Variants in AFF3 observed in about 807,000 individuals in gnomAD.
AFF3 encodes the protein AF4/FMR2 family member 3.
AFF3 carries 32 observed loss-of-function variants against 129.7 expected under a neutral mutation model. That is an observed-to-expected ratio of 0.25 (90% CI 0.19 to 0.33). The LOEUF is 0.33. AFF3 is among the 10% of genes least tolerant of loss of function. The pLI is 1.00. For missense variants in AFF3, 1,373 were observed against 1,592.0 expected (o/e 0.86, Z 2.34); for synonymous variants, 644 against 635.4 (o/e 1.01, Z -0.20).
intron 15 of AFF3, among the ~76,000 whole-genome samples, chr2:99,591,705 T>C (rs542612936): frequency 6.6e-6 from 1 of 152,326 alleles, no homozygotes; most frequent in African/African-American, 2.4e-5. Flanking sequence ...AACTTTTCTA[T>C]TGATAGACTA....
intron 13 of AFF3, among the ~76,000 whole-genome samples, chr2:99,615,730 C>T (rs947487731): frequency 6.6e-5 from 10 of 152,192 alleles, no homozygotes; most frequent in African/African-American, 2.4e-4. Context: ...GTGGGATGGC[C>T]GTGCCAGGGG....
At position 100,026,291 on chromosome 2, in the gene AFF3, GAAAA is replaced by G. The variant is rs531297150; in HGVS notation, c.54-17363_54-17360del. 4.2e-3 allele frequency among the ~76,000 whole-genome samples: 635 copies of G among 152,240 alleles called. 6 individuals carry two copies. Among genetic ancestry groups the G allele is most frequent in the African/African-American group, 0.015 (610 of 41,528 alleles). On this transcript the variant is annotated intron_variant, in intron 4 of 24. Transcript: ENST00000672756. The stretch of plus-strand genomic sequence containing the variant: ...TTATACAAATGGCCAACAAACATAT[GAAAA>G]AATGCTCAACATCACTAATGATCAG...
Position 99,551,030 on chromosome 2 carries a change from T to G in AFF3, c.*444A>C. The G allele has an allele frequency of 2.5e-6, 1 of 403,496 alleles. No homozygotes were observed. Among genetic ancestry groups the G allele is most frequent in the Non-Finnish European group, 4.4e-6 (1 of 228,040 alleles). 25.0% of individuals were successfully genotyped at this position (403,496 alleles called of 1,614,324 possible). A position where few individuals can be genotyped will look rare whatever the true frequency, so the allele number is the denominator to read the frequency against. ...TCCATCTTCACTGGCAGTCAAGCTT[T>G]TGGTGTGCTGTATTGCACCTGGTTA... is the stretch of plus-strand genomic sequence containing the variant. On this transcript the variant is annotated 3_prime_UTR_variant, in exon 25 of 25. Coordinates refer to ENST00000672756, the MANE Select transcript of AFF3 (RefSeq NM_001386135.1).
intron 8 of AFF3, among the ~76,000 whole-genome samples, chr2:99,771,623 T>A (rs1683499522): frequency 6.6e-6 from 1 of 151,996 alleles, no homozygotes; most frequent in Non-Finnish European, 1.5e-5. Context: ...ACCTTATGAT[T>A]CCCCCAATAT....
chr2:99,998,012 C>T (rs1034165634), intron 7 of AFF3, among the ~76,000 whole-genome samples: 1 of 151,200 alleles, frequency 6.6e-6, no homozygotes, highest in Admixed American at 6.6e-5. Context: ...GTACCACTTA[C>T]TGTCAACTGC....
intron 3 of AFF3, 89 bp from the exon 4 acceptor site, chr2:100,104,607 C>G (rs1691076194): frequency 4.2e-6 from 4 of 950,780 alleles, no homozygotes; most frequent in Non-Finnish European, 5.0e-6. Context: ...TCGGGGCTCC[C>G]GACGCCCCCC....
At chr2:99,974,188 CT>C (rs1678657660) in intron 7 of AFF3, among the ~76,000 whole-genome samples, 1 of 152,042 alleles carries the variant, frequency 6.6e-6, no homozygotes, top group South Asian at 2.1e-4. Context: ...TATTTTCCCC[CT>C]AAGTGAAATG....
intron 8 of AFF3, 63 bp from the exon 9 acceptor site, chr2:99,752,364 G>T: frequency 1.4e-6 from 2 of 1,424,144 alleles, no homozygotes; most frequent in South Asian, 1.2e-5. Flanking sequence ...TCAGCGGTAT[G>T]TAAAGCAGCT....
intron 13 of AFF3, among the ~76,000 whole-genome samples, chr2:99,613,460 T>C (rs982145788): frequency 2.6e-5 from 4 of 152,212 alleles, no homozygotes; most frequent in Non-Finnish European, 4.4e-5. Flanking sequence ...TTTGAATTTT[T>C]TTCCCAAAAG....
chr2:100,042,947 C>T (rs13402299), intron 4 of AFF3, among the ~76,000 whole-genome samples: 25,275 of 151,896 alleles, frequency 0.17, 2,250 homozygotes, highest in East Asian at 0.29. Flanking sequence ...TTTTTCTCGG[C>T]ATAAATACCA....
At chr2:99,700,151 C>T (rs1169247443) in intron 11 of AFF3, among the ~76,000 whole-genome samples, 2 of 150,886 alleles carry the variant, frequency 1.3e-5, no homozygotes, top group African/African-American at 2.4e-5. Context: ...GACGAAGTCT[C>T]GCTCTGTCGC....
chr2:100,124,471 A>G (rs1399818851), intron 2 of AFF3, among the ~76,000 whole-genome samples: 1 of 152,250 alleles, frequency 6.6e-6, no homozygotes, highest in Admixed American at 6.5e-5. Flanking sequence ...AGATCTCAGA[A>G]AGTTTATTTT....
intron 13 of AFF3, among the ~76,000 whole-genome samples, chr2:99,622,008 C>G (rs1682070515): frequency 6.6e-6 from 1 of 152,130 alleles, no homozygotes; most frequent in Non-Finnish European, 1.5e-5. Flanking sequence ...AGGAAGAGAG[C>G]TGAAAAAACA....
At chr2:100,108,843 G>A (rs1691414121) in intron 2 of AFF3, among the ~76,000 whole-genome samples, 2 of 149,062 alleles carry the variant, frequency 1.3e-5, no homozygotes, top group Non-Finnish European at 3.0e-5. Flanking sequence ...AGTTGCTGAG[G>A]TTTTATGCTT....
intron 10 of AFF3, among the ~76,000 whole-genome samples, chr2:99,741,772 A>G (rs1304684311): frequency 6.6e-6 from 1 of 152,114 alleles, no homozygotes; most frequent in Non-Finnish European, 1.5e-5. Context: ...GTCAATCCTA[A>G]GCCAAAAGAA....
chr2:100,039,314 T>C (rs544252119), intron 4 of AFF3, among the ~76,000 whole-genome samples: 2 of 152,252 alleles, frequency 1.3e-5, no homozygotes, highest in African/African-American at 2.4e-5. Context: ...GACTCAGGGC[T>C]TTAGGAGACC....
chr2:99,744,840 C>T lies in AFF3; in HGVS notation c.1003-700G>A, dbSNP rs113180831. Among the ~76,000 whole-genome samples, 1,221 of 152,158 alleles carry T rather than the reference C, an allele frequency of 8.0e-3. 3 individuals carry two copies. Among genetic ancestry groups the T allele is most frequent in the African/African-American group, 0.018 (754 of 41,498 alleles). On this transcript the variant is annotated intron_variant, in intron 9 of 24. Transcript: ENST00000672756. ...TTGGATATTGTAAATAATACTGCCACGAATATGCAGGTATGTACACTAGTT... is the reference window on the plus strand; with the variant it reads ...TTGGATATTGTAAATAATACTGCCATGAATATGCAGGTATGTACACTAGTT...
Position 100,108,805 on chromosome 2 carries a change from A to C in AFF3, c.-144-3222T>G, listed in dbSNP as rs960405876. ...GCTCCTAGGGTTCAGTCTGCTCATC[A>C]GACAACAGATATTTATTGAATGTAA... On this transcript the variant is annotated intron_variant, in intron 2 of 24. Transcript: ENST00000672756. Among the ~76,000 whole-genome samples, 3 of 151,982 alleles carry C rather than the reference A, an allele frequency of 2.0e-5. No homozygotes were observed. The East Asian group carries it at 5.8e-4, about 29-fold the overall frequency.
intron 4 of AFF3, among the ~76,000 whole-genome samples, chr2:100,053,425 C>T (rs1243084199): frequency 6.6e-6 from 1 of 152,228 alleles, no homozygotes; most frequent in Non-Finnish European, 1.5e-5. Flanking sequence ...CAATTAATAT[C>T]ATTTTCCTCC....
Sources: gnomAD v4.1 joint callset for allele counts (sites outside exome capture counted in the v4.1 genomes callset) on GRCh38, gnomAD v4.1.1 for gene constraint, MANE v1.5 for transcripts, NCBI Gene and HGNC (gene_info 2026-07-23, HGNC 2026-07-21) for gene names.